The following TFAP2D variants were observed in gnomAD, a reference collection of about 807,000 sequenced individuals.
TFAP2D encodes transcription factor AP-2 delta, also known as transcription factor AP-2-delta.
In TFAP2D, 9 loss-of-function variants were observed where a neutral mutation model predicts 43.6. That is an observed-to-expected ratio of 0.21 (90% CI 0.12 to 0.36). The LOEUF is 0.36. TFAP2D is among the 10% of genes least tolerant of loss of function. The pLI is 1.00. For synonymous variants in TFAP2D, 256 were observed against 224.9 expected, an observed-to-expected ratio of 1.14 and a Z score of -1.24; for missense variants, 513 against 561.4, an observed-to-expected ratio of 0.91 and a Z score of 0.87.
chr6:50,752,165 T>C (rs562923233), intron 7 of TFAP2D, among the ~76,000 whole-genome samples: 1 of 152,104 alleles, frequency 6.6e-6, no homozygotes, highest in East Asian at 1.9e-4. Context: ...TGGAGTCATA[T>C]GTAACTAGCC....
Position 50,772,974 on chromosome 6 carries a change from C to T in TFAP2D, c.*110C>T. The T allele has an allele frequency of 1.1e-6, 1 of 934,750 alleles. No individual in the cohort carries two copies. The highest frequency in any genetic ancestry group is 2.7e-5 in the South Asian group (1 of 36,560). The allele number at this position is 934,750 out of a possible 1,614,324, so 57.9% of individuals were successfully genotyped here. A position where few individuals can be genotyped will look rare whatever the true frequency, so the allele number is the denominator to read the frequency against. ...AGTGGACCAAATCTCTACCCTTCCC[C>T]AACCCTCCATAAAAAAACAAAAATG... On this transcript the variant is annotated 3_prime_UTR_variant, in exon 8 of 8. Transcript: ENST00000008391.
At chr6:50,755,605 T>C (rs889184206) in intron 7 of TFAP2D, among the ~76,000 whole-genome samples, 6 of 151,924 alleles carry the variant, frequency 3.9e-5, no homozygotes, top group African/African-American at 1.2e-4. Context: ...AAGCTTTTTT[T>C]CCCCCTTTGG....
In TFAP2D at chr6:50,713,735, T is replaced by G. The variant is rs1387544324; in HGVS notation, c.-321T>G. ...CTTCTGCCTATTGTCCTCCCAGTTC[T>G]CAGTGCTGATGCTTAATTTTCAAAA... On this transcript the variant is annotated 5_prime_UTR_variant, in exon 1 of 8. Coordinates refer to ENST00000008391, the MANE Select transcript of TFAP2D (RefSeq NM_172238.4). 4.7e-6 allele frequency: 2 copies of G among 428,730 alleles called. No individual in the cohort carries two copies. The highest frequency in any genetic ancestry group is 8.2e-6 in the Non-Finnish European group (2 of 242,894). 26.6% of individuals were successfully genotyped at this position (428,730 alleles called of 1,614,324 possible).
chr6:50,722,170 C>T (rs1181278365), intron 3 of TFAP2D, among the ~76,000 whole-genome samples: 2 of 152,180 alleles, frequency 1.3e-5, no homozygotes, highest in Admixed American at 1.3e-4. Context: ...TTGCCACTGC[C>T]TCGGAGGCGC....
At chr6:50,737,601 C>A (rs573579117) in intron 5 of TFAP2D, among the ~76,000 whole-genome samples, 1 of 152,236 alleles carries the variant, frequency 6.6e-6, no homozygotes, top group South Asian at 2.1e-4. Flanking sequence ...ATTAGTTGAT[C>A]TTTTTCCTTC....
At chr6:50,759,783 G>A (rs1210816836) in intron 7 of TFAP2D, among the ~76,000 whole-genome samples, 1 of 151,988 alleles carries the variant, frequency 6.6e-6, no homozygotes, top group African/African-American at 2.4e-5. Flanking sequence ...CTTTGCTAAT[G>A]AGCTGAACTG....
In TFAP2D at chr6:50,713,969, T is replaced by G; in HGVS notation, c.-87T>G. ...AACATTTTTTTTTTCCTTTAAAAATTGGAAAATACAAGAAGTTTGGATTTT... is the reference window on the plus strand; with the variant it reads ...AACATTTTTTTTTTCCTTTAAAAATGGGAAAATACAAGAAGTTTGGATTTT... On this transcript the variant is annotated 5_prime_UTR_variant, in exon 1 of 8. The change creates a new upstream start codon in the 5' untranslated region. Transcript: ENST00000008391. The G allele has an allele frequency of 6.3e-7, 1 of 1,576,070 alleles. No individual in the cohort carries two copies. Among genetic ancestry groups the G allele is most frequent in the Non-Finnish European group, 8.7e-7 (1 of 1,151,768 alleles).
chr6:50,734,182 T>G (rs999059364), intron 5 of TFAP2D, among the ~76,000 whole-genome samples: 1 of 152,056 alleles, frequency 6.6e-6, no homozygotes, highest in Admixed American at 6.6e-5. Context: ...AGACCCTATC[T>G]TGGACATCTT....
intron 5 of TFAP2D, among the ~76,000 whole-genome samples, chr6:50,740,303 G>T (rs1769023303): frequency 6.6e-6 from 1 of 152,158 alleles, no homozygotes; most frequent in South Asian, 2.1e-4. Context: ...GACAGTTGAT[G>T]AGAATTATCT....
chr6:50,714,245 G>C, intron 1 of TFAP2D, 151 bp downstream of exon 1: 1 of 944,694 alleles, frequency 1.1e-6, no homozygotes, highest in Non-Finnish European at 1.6e-6. Context: ...TTCGGGGGAA[G>C]TTAAGGAAGG....
At chr6:50,718,767 T>A (rs1170356417) in intron 2 of TFAP2D, among the ~76,000 whole-genome samples, 3 of 152,240 alleles carry the variant, frequency 2.0e-5, no homozygotes, top group Non-Finnish European at 4.4e-5. Flanking sequence ...ACTGTCTGTA[T>A]ATACGCTGTG....
intron 3 of TFAP2D, among the ~76,000 whole-genome samples, chr6:50,725,480 A>C (rs1768794401): frequency 6.6e-6 from 1 of 152,216 alleles, no homozygotes; most frequent in Admixed American, 6.5e-5. Context: ...ACTCTGGAGA[A>C]GTTCTGCATG....
chr6:50,720,508 C>T (rs1041015716), intron 3 of TFAP2D, among the ~76,000 whole-genome samples: 2 of 149,888 alleles, frequency 1.3e-5, no homozygotes, highest in Non-Finnish European at 3.0e-5. Flanking sequence ...CACACACACA[C>T]ACACACACAC....
At chr6:50,736,750 T>A (rs1668251417) in intron 5 of TFAP2D, among the ~76,000 whole-genome samples, 1 of 152,116 alleles carries the variant, frequency 6.6e-6, no homozygotes, top group Admixed American at 6.6e-5. Context: ...AAACTCCTGT[T>A]CCTACTCATG....
At chr6:50,722,072 T>A (rs992961844) in intron 3 of TFAP2D, among the ~76,000 whole-genome samples, 4 of 152,210 alleles carry the variant, frequency 2.6e-5, no homozygotes, top group Non-Finnish European at 4.4e-5. Flanking sequence ...GGCAATTACA[T>A]TATTTTAGCC....
chr6:50,728,751 A>T, intron 3 of TFAP2D, 105 bp from the exon 4 acceptor site: 1 of 1,118,224 alleles, frequency 8.9e-7, no homozygotes, highest in Non-Finnish European at 1.3e-6. Flanking sequence ...TACAACTGTT[A>T]GCATGTATTC....
intron 5 of TFAP2D, 147 bp from the exon 6 acceptor site, chr6:50,744,960 C>A (rs551521679): frequency 1.8e-5 from 17 of 953,122 alleles, no homozygotes; most frequent in African/African-American, 3.4e-5. Context: ...CTCCTCCCCC[C>A]AAAAAGGTCT....
At chr6:50,743,516 G>C (rs1396769380) in intron 5 of TFAP2D, among the ~76,000 whole-genome samples, 4 of 151,934 alleles carry the variant, frequency 2.6e-5, no homozygotes, top group Admixed American at 2.6e-4. Flanking sequence ...TGAGTGGCTA[G>C]GGACTGCAGG....
intron 7 of TFAP2D, among the ~76,000 whole-genome samples, chr6:50,766,919 C>T (rs899094411): frequency 6.6e-6 from 1 of 151,984 alleles, no homozygotes; most frequent in Non-Finnish European, 1.5e-5. Context: ...CCACCCGCCT[C>T]GGCCTCCCAA....
Sources: allele counts gnomAD v4.1 joint callset (sites outside exome capture counted in the v4.1 genomes callset), GRCh38; gene constraint gnomAD v4.1.1; transcripts MANE v1.5; gene names NCBI Gene and HGNC (gene_info 2026-07-23, HGNC 2026-07-21).